The following THRSP variants were observed in gnomAD, a reference collection of about 807,000 sequenced individuals.
The protein encoded by THRSP is thyroid hormone-inducible hepatic protein.
Under a neutral mutation model 11.1 loss-of-function variants are expected in THRSP, and 9 were observed. That is an observed-to-expected ratio of 0.81 (90% CI 0.49 to 1.42). The LOEUF is 1.42. Ranked by LOEUF, THRSP falls within the 40% of genes most tolerant of loss-of-function variation. The pLI is 0.00. For missense variants in THRSP, 177 were observed against 188.2 expected (o/e 0.94, Z 0.35); for synonymous variants, 73 against 78.1 (o/e 0.94, Z 0.34).
chr11:78,064,067 G>A lies in THRSP; in HGVS notation c.186G>A (p.Met62Ile). Residue 62 changes from methionine to isoleucine, a missense_variant, in exon 1 of 2, where the codon ATG becomes ATA. Coordinates refer to ENST00000281030, the MANE Select transcript of THRSP (RefSeq NM_003251.4). ...CTGATCTCTACACCTACTTCACCATGCTCAAGGCCATCTGTGTGGATGTGG... is the reference window on the plus strand; with the variant it reads ...CTGATCTCTACACCTACTTCACCATACTCAAGGCCATCTGTGTGGATGTGG... ...EAPDLYTYFT[M>I]LKAICVDVDH... 6.2e-7 allele frequency: 1 copy of A among 1,614,216 alleles called. No individual in the cohort carries two copies. Among genetic ancestry groups the A allele is most frequent in the Non-Finnish European group, 8.5e-7 (1 of 1,180,054 alleles).
intron 1 of THRSP, among the ~76,000 whole-genome samples, chr11:78,066,568 G>A (rs1430028599): frequency 6.6e-6 from 1 of 152,208 alleles, no homozygotes; most frequent in Non-Finnish European, 1.5e-5. Context: ...GGCCTAATTA[G>A]TCTAATTCTT....
chr11:78,065,875 C>T (rs1219105020), intron 1 of THRSP, among the ~76,000 whole-genome samples: 1 of 152,218 alleles, frequency 6.6e-6, no homozygotes, highest in African/African-American at 2.4e-5. Flanking sequence ...ATTTTTCCTT[C>T]TCCCGCTTCA....
At chr11:78,064,985 T>C (rs1405562096) in intron 1 of THRSP, among the ~76,000 whole-genome samples, 2 of 51,702 alleles carry the variant, frequency 3.9e-5, no homozygotes, top group Non-Finnish European at 7.2e-5. Flanking sequence ...GGAGACTCCA[T>C]CTCAAAAAAA....
At chr11:78,066,793 C>T (rs1858756245) in intron 1 of THRSP, among the ~76,000 whole-genome samples, 1 of 152,128 alleles carries the variant, frequency 6.6e-6, no homozygotes, top group African/African-American at 2.4e-5. Context: ...AATCTGGGCT[C>T]TTGTTCTGGC....
At chr11:78,066,167 C>T (rs1858732948) in intron 1 of THRSP, among the ~76,000 whole-genome samples, 1 of 152,120 alleles carries the variant, frequency 6.6e-6, no homozygotes, top group South Asian at 2.1e-4. Flanking sequence ...TTATCATCCC[C>T]CCCCACCTTT....
chr11:78,064,418 C>T, intron 1 of THRSP, 77 bp downstream of exon 1: 1 of 1,320,356 alleles, frequency 7.6e-7, no homozygotes, highest in Non-Finnish European at 1.0e-6. Context: ...TGGTGCAACC[C>T]ACTGGGAGAG....
In THRSP at chr11:78,065,179, A is replaced by G. The variant is rs1173465329; in HGVS notation, c.*19+838A>G. 2.6e-5 allele frequency among the ~76,000 whole-genome samples: 4 copies of G among 152,172 alleles called. No individual in the cohort carries two copies. In the East Asian group the frequency reaches 7.7e-4, roughly 29 times the overall value. On this transcript the variant is annotated intron_variant, in intron 1 of 1. Transcript: ENST00000281030. Reference sequence around the variant, plus strand: ...ACAACAGGCTGGGGGTACTCTGACCATCCCAGGTTGGAACCCACCAAACGG... The same window carrying G: ...ACAACAGGCTGGGGGTACTCTGACCGTCCCAGGTTGGAACCCACCAAACGG...
chr11:78,066,491 A>G (rs1200421917), intron 1 of THRSP, among the ~76,000 whole-genome samples: 1 of 152,154 alleles, frequency 6.6e-6, no homozygotes, highest in Non-Finnish European at 1.5e-5. Context: ...AGATGAGAAA[A>G]CTGGAGGCCT....
rs751584648 is a variant in THRSP at position 78,064,353 on chromosome 11, C to T, written c.*19+12C>T. On this transcript the variant is annotated intron_variant, in intron 1 of 1. Transcript: ENST00000281030. ...GGACACTAGGGAAGGTAATGGTGGCCATGCTGGTGGGTGTGAGTCTACAAA... is the reference window on the plus strand; with the variant it reads ...GGACACTAGGGAAGGTAATGGTGGCTATGCTGGTGGGTGTGAGTCTACAAA... 1 of 1,575,820 alleles carries T rather than the reference C, an allele frequency of 6.3e-7. No homozygotes were observed. Among genetic ancestry groups the T allele is most frequent in the African/African-American group, 1.4e-5 (1 of 73,774 alleles).
In THRSP at chr11:78,064,322, G is replaced by A; in HGVS notation, c.441G>A (p.Ter147=). The A allele has an allele frequency of 6.2e-7, 1 of 1,605,304 alleles. No individual in the cohort carries two copies. ...KYQEMTGQVW[*] ...AGGAAATGACGGGACAAGTTTGGTA[G>A]ACCTTGGACACTAGGGAAGGTAATG... is the stretch of plus-strand genomic sequence containing the variant. Residue 147 remains the stop codon, a stop_retained_variant, in exon 1 of 2, where the codon TAG becomes TAA. Coordinates refer to ENST00000281030, the MANE Select transcript of THRSP (RefSeq NM_003251.4).
At chr11:78,066,799 C>T (rs1858756733) in intron 1 of THRSP, among the ~76,000 whole-genome samples, 1 of 152,124 alleles carries the variant, frequency 6.6e-6, no homozygotes, top group Admixed American at 6.6e-5. Context: ...GGCTCTTGTT[C>T]TGGCTCTTCC....
chr11:78,067,370 C>T (rs1428655726), intron 1 of THRSP, among the ~76,000 whole-genome samples: 1 of 149,336 alleles, frequency 6.7e-6, no homozygotes, highest in Non-Finnish European at 1.5e-5. Flanking sequence ...GATCCACCCA[C>T]CTTGGCCTCC....
At position 78,064,287 on chromosome 11, in the gene THRSP, A is replaced by G. The variant is rs780079934; in HGVS notation, c.406A>G (p.Arg136Gly). The G allele has an allele frequency of 1.9e-6, 3 of 1,612,218 alleles. No individual in the cohort carries two copies. The highest frequency in any genetic ancestry group is 1.7e-6 in the Non-Finnish European group (2 of 1,179,300). ...HLTEKAQEVT[R>G]KYQEMTGQVW ...CACCGAGAAAGCCCAGGAGGTGACA[A>G]GGAAATACCAGGAAATGACGGGACA... The change falls in exon 1 of 2, where the codon AGG becomes GGG. Residue 136 changes from arginine (R) to glycine (G), a missense_variant. Physicochemically the swap from Arg to Gly is moderately radical, Grantham distance 125. Transcript: ENST00000281030.
chr11:78,067,404 G>C (rs111314711), intron 1 of THRSP, among the ~76,000 whole-genome samples: 13 of 152,216 alleles, frequency 8.5e-5, no homozygotes, highest in African/African-American at 3.1e-4. Flanking sequence ...TTACAGGCGT[G>C]AGCCACCACG....
chr11:78,066,883 G>A (rs751307799), intron 1 of THRSP, among the ~76,000 whole-genome samples: 3 of 151,958 alleles, frequency 2.0e-5, no homozygotes, highest in Admixed American at 6.6e-5. Context: ...CTGGAGTGCA[G>A]TGGCGCGATC....
In THRSP at chr11:78,064,097, T is replaced by C. The variant is rs140141901; in HGVS notation, c.216T>C (p.His72=). The change falls in exon 1 of 2, where the codon CAT becomes CAC. Residue 72 remains histidine, a synonymous_variant. Coordinates refer to ENST00000281030, the MANE Select transcript of THRSP (RefSeq NM_003251.4). The stretch of plus-strand genomic sequence containing the variant: ...AGGCCATCTGTGTGGATGTGGACCA[T>C]GGGCTGCTGCCGCGGGAGGAGTGGC... The part of the protein sequence containing the change: ...MLKAICVDVD[H]GLLPREEWQA... 376 of 1,614,110 alleles carry C rather than the reference T, an allele frequency of 2.3e-4. No homozygotes were observed. Among genetic ancestry groups the C allele is most frequent in the Non-Finnish European group, 2.9e-4 (340 of 1,180,014 alleles).
chr11:78,064,075 C>A lies in THRSP; in HGVS notation c.194C>A (p.Ala65Asp). The A allele has an allele frequency of 6.2e-7, 1 of 1,614,180 alleles. No individual in the cohort carries two copies. The highest frequency in any genetic ancestry group is 1.1e-5 in the South Asian group (1 of 91,088). ...TACACCTACTTCACCATGCTCAAGG[C>A]CATCTGTGTGGATGTGGACCATGGG... ...DLYTYFTMLK[A>D]ICVDVDHGLL... is the part of the protein sequence containing the mutation. Residue 65 changes from alanine to aspartate, a missense_variant, in exon 1 of 2, where the codon GCC becomes GAC. Ala to Asp is a moderately radical substitution (Grantham distance 126). Transcript: ENST00000281030.
At chr11:78,064,365 T>C in intron 1 of THRSP, 24 bp downstream of exon 1, 1 of 1,558,564 alleles carries the variant, frequency 6.4e-7, no homozygotes, top group African/African-American at 1.4e-5. Flanking sequence ...TGCTGGTGGG[T>C]GTGAGTCTAC....
chr11:78,064,371 T>A, intron 1 of THRSP, 30 bp downstream of exon 1: 1 of 1,546,880 alleles, frequency 6.5e-7, no homozygotes, highest in Non-Finnish European at 8.8e-7. Context: ...TGGGTGTGAG[T>A]CTACAAAGGG....
Sources: allele counts gnomAD v4.1 joint callset (sites outside exome capture counted in the v4.1 genomes callset), GRCh38; gene constraint gnomAD v4.1.1; transcripts MANE v1.5; gene names NCBI Gene and HGNC (gene_info 2026-07-23, HGNC 2026-07-21).